Variants in CNKSR2 observed in about 807,000 individuals in gnomAD.
CNKSR2 encodes the protein CNK homolog protein 2.
In CNKSR2, 14 loss-of-function variants were observed where a neutral mutation model predicts 84.4. The ratio of observed to expected loss-of-function variants is 0.17; its 90% CI spans 0.11 to 0.26. The LOEUF is 0.26. CNKSR2 is among the 10% of genes least tolerant of loss of function. CNKSR2 has a pLI of 1.00. For missense variants in CNKSR2, 485 were observed against 771.2 expected, an observed-to-expected ratio of 0.63 and a Z score of 4.40; for synonymous variants, 275 against 277.9, an observed-to-expected ratio of 0.99 and a Z score of 0.10.
At chrX:21,637,817 A>C (rs1275872315) in intron 20 of CNKSR2, among the ~76,000 whole-genome samples, 3 of 112,031 alleles carry the variant, frequency 2.7e-5, no homozygotes, top group Non-Finnish European at 5.7e-5. Flanking sequence ...GGGAGGCTCC[A>C]AATAACTATG....
At position 21,456,175 on chromosome X, in the gene CNKSR2, A is replaced by G. The variant is rs749001213; in HGVS notation, c.520-14591A>G. 8.9e-5 allele frequency among the ~76,000 whole-genome samples: 10 copies of G among 112,014 alleles called. No individual in the cohort carries two copies. In the East Asian group the frequency reaches 2.8e-3, roughly 31 times the overall value. On this transcript the variant is annotated intron_variant, in intron 4 of 21. Transcript: ENST00000379510. ...AATTACCACAAACAAGCTAATTAAC[A>G]TATTCATCACCTCACATAGTTTCCT...
intron 1 of CNKSR2, among the ~76,000 whole-genome samples, chrX:21,388,575 C>T (rs919296161): frequency 5.4e-5 from 6 of 112,048 alleles, no homozygotes; most frequent in African/African-American, 1.9e-4. Flanking sequence ...CTTCCAATAG[C>T]TAAAGCTGGA....
chrX:21,649,929 A>G (rs890277452), intron 21 of CNKSR2, among the ~76,000 whole-genome samples: 12 of 112,086 alleles, frequency 1.1e-4, no homozygotes, highest in African/African-American at 2.9e-4. Flanking sequence ...GAAACAACAG[A>G]TACTGGAGAG....
At chrX:21,481,814 GAAC>G (rs961480562) in intron 5 of CNKSR2, among the ~76,000 whole-genome samples, 4 of 111,803 alleles carry the variant, frequency 3.6e-5, no homozygotes, top group African/African-American at 1.3e-4. Context: ...TGGGAGTTGA[GAAC>G]AATCTCCAGA....
At chrX:21,423,267 G>C (rs756734704) in intron 1 of CNKSR2, 15 of 111,423 alleles carry the variant, frequency 1.3e-4, no homozygotes, top group African/African-American at 4.6e-4. Context: ...CATGGATTTA[G>C]AGGCAAATGG....
chrX:21,506,267 A>C (rs1268121980), intron 8 of CNKSR2: 2 of 111,787 alleles, frequency 1.8e-5, no homozygotes, highest in Non-Finnish European at 3.8e-5. Flanking sequence ...GTATTCTAAA[A>C]TAGAACAAGT....
chrX:21,427,537 G>A (rs781438465), intron 2 of CNKSR2: 1 of 111,788 alleles, frequency 8.9e-6, no homozygotes, highest in East Asian at 2.8e-4. Context: ...AGTCCAGGAA[G>A]TTGTGCTATT....
intron 8 of CNKSR2, among the ~76,000 whole-genome samples, chrX:21,511,990 C>G (rs751044477): frequency 1.4e-3 from 157 of 111,797 alleles, no homozygotes; most frequent in African/African-American, 4.9e-3. Flanking sequence ...CTGTTGCACT[C>G]TGTATTCACC....
chrX:21,519,333 C>T (rs749322139), intron 9 of CNKSR2, among the ~76,000 whole-genome samples: 2 of 111,101 alleles, frequency 1.8e-5, no homozygotes, highest in Non-Finnish European at 3.8e-5. Flanking sequence ...GGTGAAGGTA[C>T]ACTGCCTCCA....
At chrX:21,401,553 G>A (rs950728033) in intron 1 of CNKSR2, among the ~76,000 whole-genome samples, 1 of 111,587 alleles carries the variant, frequency 9.0e-6, no homozygotes, top group Non-Finnish European at 1.9e-5. Context: ...GTGAGAGTAG[G>A]TATGTGTATA....
chrX:21,452,753 C>CTTTATT, intron 4 of CNKSR2, among the ~76,000 whole-genome samples: 1 of 86,853 alleles, frequency 1.2e-5, no homozygotes, highest in African/African-American at 4.9e-5. Context: ...ACAAGCATGA[C>CTTTATT]TTATTTTATT....
intron 14 of CNKSR2, 68 bp from the exon 15 acceptor site, chrX:21,590,954 G>C: frequency 3.3e-6 from 3 of 913,474 alleles, no homozygotes; most frequent in Non-Finnish European, 4.5e-6. Flanking sequence ...ACTTCTTTTT[G>C]GTATCTATAG....
intron 1 of CNKSR2, among the ~76,000 whole-genome samples, chrX:21,393,358 T>C (rs185963075): frequency 8.9e-6 from 1 of 112,460 alleles, no homozygotes; most frequent in Admixed American, 9.4e-5. Flanking sequence ...GTAAGAATGC[T>C]TTACATTTAA....
chrX:21,576,764 C>G (rs915895716), intron 13 of CNKSR2, among the ~76,000 whole-genome samples: 2 of 111,382 alleles, frequency 1.8e-5, no homozygotes, highest in African/African-American at 6.5e-5. Flanking sequence ...ACCAATTCCT[C>G]AAAACATACA....
chrX:21,591,149 G>T lies in CNKSR2; in HGVS notation c.1785G>T (p.Trp595Cys). The T allele has an allele frequency of 8.3e-7, 1 of 1,208,878 alleles. No homozygotes were observed. The highest frequency in any genetic ancestry group is 1.8e-5 in the South Asian group (1 of 56,712). The change falls in exon 15 of 22, where the codon TGG becomes TGT. Residue 595 changes from tryptophan (W) to cysteine (C), a missense_variant. Coordinates refer to ENST00000379510, the MANE Select transcript of CNKSR2 (RefSeq NM_014927.5). The stretch of plus-strand genomic sequence containing the variant: ...TTTCACAGAAATGGAAAAAATATTG[G>T]TTTGTCCTAAAGGATGCATCCCTTT... ...SYFSQKWKKY[W>C]FVLKDASLYW...
intron 20 of CNKSR2, among the ~76,000 whole-genome samples, chrX:21,626,637 ACT>A (rs1339543521): frequency 8.9e-6 from 1 of 112,242 alleles, no homozygotes; most frequent in Non-Finnish European, 1.9e-5. Flanking sequence ...TAAAATGGAA[ACT>A]TGGAGCTCTC....
intron 13 of CNKSR2, among the ~76,000 whole-genome samples, chrX:21,564,050 A>C (rs2092216868): frequency 1.8e-5 from 2 of 111,157 alleles, no homozygotes; most frequent in South Asian, 7.6e-4. Context: ...AAAATATGAG[A>C]AGCAGTATTT....
At chrX:21,410,030 GTC>G (rs1444125895) in intron 1 of CNKSR2, among the ~76,000 whole-genome samples, 1 of 93,185 alleles carries the variant, frequency 1.1e-5, no homozygotes, top group Non-Finnish European at 2.0e-5. Flanking sequence ...GCCTAATTGT[GTC>G]TGTGTGTGTG....
chrX:21,447,193 A>G (rs1396172255), intron 4 of CNKSR2, among the ~76,000 whole-genome samples: 1 of 111,430 alleles, frequency 9.0e-6, no homozygotes, highest in Non-Finnish European at 1.9e-5. Context: ...TTCACTGCAT[A>G]TAATATTGAA....
Sources: gnomAD v4.1 joint callset for allele counts (sites outside exome capture counted in the v4.1 genomes callset) on GRCh38, gnomAD v4.1.1 for gene constraint, MANE v1.5 for transcripts, NCBI Gene and HGNC (gene_info 2026-07-23, HGNC 2026-07-21) for gene names.